The following MRAP variants were observed in gnomAD, a reference collection of about 807,000 sequenced individuals.
MRAP encodes melanocortin-2 receptor accessory protein.
In MRAP, 8 loss-of-function variants were observed where a neutral mutation model predicts 8.7. The ratio of observed to expected loss-of-function variants is 0.92; its 90% CI spans 0.54 to 1.66. The LOEUF is 1.66. Among genes scored for constraint, MRAP ranks in the 40% most tolerant of loss-of-function variants. The pLI is 0.00. For missense variants in MRAP, 237 were observed against 217.1 expected, an observed-to-expected ratio of 1.09 and a Z score of -0.58; for synonymous variants, 95 against 95.5, an observed-to-expected ratio of 1.00 and a Z score of 0.03.
rs17855143 is a variant in MRAP, at chr21:32,311,867, C to G, written c.390C>G (p.Thr130=). The G allele has an allele frequency of 7.5e-3, 12,106 of 1,614,154 alleles. 464 individuals carry two copies. In the East Asian group the frequency reaches 0.1, roughly 13 times the overall value. The stretch of plus-strand genomic sequence containing the variant: ...CGCTACGACAGGAGAGCTCCTCCAC[C>G]TTGCCCCTCGGGGGTTTCCAGACCC... ...DQPLRQESSS[T]LPLGGFQTHP... The change falls in exon 3 of 3, where the codon ACC becomes ACG. Residue 130 remains threonine (T), a synonymous_variant. Transcript: ENST00000303645.
chr21:32,302,486 G>A (rs1310984873), intron 1 of MRAP, among the ~76,000 whole-genome samples: 2 of 152,176 alleles, frequency 1.3e-5, no homozygotes, highest in Non-Finnish European at 2.9e-5. Context: ...GAGAAAGTCC[G>A]TTTCTTTGCT....
rs766209755 is a variant in MRAP, at chr21:32,306,668, C to A, written c.135C>A (p.Ser45Arg). The A allele has an allele frequency of 5.0e-6, 8 of 1,614,116 alleles. No homozygotes were observed. The highest frequency in any genetic ancestry group is 5.9e-6 in the Non-Finnish European group (7 of 1,180,026). ...KHSIVIAFWV[S>R]LAAFVVLLFL... ...CCATCGTGATCGCATTCTGGGTGAGCCTGGCTGCCTTCGTGGTGCTGCTCT... is the reference window on the plus strand; with the variant it reads ...CCATCGTGATCGCATTCTGGGTGAGACTGGCTGCCTTCGTGGTGCTGCTCT... Residue 45 changes from serine (S) to arginine (R), a missense_variant, in exon 2 of 3, where the codon AGC becomes AGA. Transcript: ENST00000303645.
At chr21:32,304,976 T>TTTTTTTTTTTTTTTG (rs2032379280) in intron 1 of MRAP, among the ~76,000 whole-genome samples, 2 of 126,390 alleles carry the variant, frequency 1.6e-5, no homozygotes, top group Non-Finnish European at 3.2e-5. Flanking sequence ...TTTTTTTTTT[T>TTTTTTTTTTTTTTTG]TTTTTTTTTT....
chr21:32,297,731 G>A (rs1601094615), upstream of MRAP, among the ~76,000 whole-genome samples: 1 of 152,206 alleles, frequency 6.6e-6, no homozygotes. Context: ...CCACAAGTCT[G>A]GCGTCAGAAA....
rs1452450946 is a variant in MRAP at position 32,312,170 on chromosome 21, G to A, written c.*174G>A. The A allele has an allele frequency of 5.9e-6, 9 of 1,512,876 alleles. No individual in the cohort carries two copies. The Admixed American group carries it at 1.0e-4, about 17-fold the overall frequency. The allele number at this position is 1,512,876 out of a possible 1,614,324, so 93.7% of individuals were successfully genotyped here. On this transcript the variant is annotated 3_prime_UTR_variant, in exon 3 of 3. Coordinates refer to ENST00000303645, the MANE Select transcript of MRAP (RefSeq NM_001379228.1). ...TTGACAAAGATTGCAGTGGCCCCTCGAGTGCAGAGGTCATCCCAGGTGTTG... is the reference window on the plus strand; with the variant it reads ...TTGACAAAGATTGCAGTGGCCCCTCAAGTGCAGAGGTCATCCCAGGTGTTG...
intron 2 of MRAP, among the ~76,000 whole-genome samples, chr21:32,307,759 G>T (rs1395016910): frequency 2.0e-5 from 3 of 148,416 alleles, no homozygotes; most frequent in African/African-American, 7.5e-5. Context: ...CTGTAGTCCC[G>T]GCTACTCAGG....
upstream of MRAP, among the ~76,000 whole-genome samples, chr21:32,296,596 C>T (rs2032143589): frequency 6.6e-6 from 1 of 152,104 alleles, no homozygotes; most frequent in Non-Finnish European, 1.5e-5. Flanking sequence ...CCACACACCT[C>T]GGCTGAACGG....
In MRAP at chr21:32,312,282, A is replaced by G; in HGVS notation, c.*286A>G. ...AGGAAAATAAAATATATGCAAATCA[A>G]GAGGAAAAGCTGTTTGCTTACTAAT... On this transcript the variant is annotated 3_prime_UTR_variant, in exon 3 of 3. Transcript: ENST00000303645. The G allele has an allele frequency of 1.5e-6, 2 of 1,366,130 alleles. No individual in the cohort carries two copies. Among genetic ancestry groups the G allele is most frequent in the South Asian group, 1.5e-5 (1 of 65,196 alleles). 84.6% of individuals were successfully genotyped at this position (1,366,130 alleles called of 1,614,324 possible). A position where few individuals can be genotyped will look rare whatever the true frequency, so the allele number is the denominator to read the frequency against.
intron 2 of MRAP, among the ~76,000 whole-genome samples, chr21:32,309,196 G>GA (rs996349225): frequency 7.1e-4 from 106 of 148,846 alleles, no homozygotes; most frequent in Middle Eastern, 3.5e-3. Context: ...TCAGTCTAGA[G>GA]AAAAAAAAAA....
downstream of MRAP, chr21:32,314,320 A>T: frequency 2.3e-6 from 1 of 436,096 alleles, no homozygotes. Flanking sequence ...GAGTAGCTGG[A>T]ATTACAGGTG....
chr21:32,297,742 T>C (rs892722691), upstream of MRAP, among the ~76,000 whole-genome samples: 4 of 152,228 alleles, frequency 2.6e-5, no homozygotes, highest in Non-Finnish European at 4.4e-5. Flanking sequence ...GCGTCAGAAA[T>C]GTACGGTGTA....
At chr21:32,303,722 A>C (rs1266578521) in intron 1 of MRAP, among the ~76,000 whole-genome samples, 4 of 152,356 alleles carry the variant, frequency 2.6e-5, no homozygotes, top group South Asian at 4.1e-4. Flanking sequence ...GGGATGTCTA[A>C]CTATTTCTGA....
At chr21:32,311,304 G>A (rs556771792) in intron 2 of MRAP, 4 of 211,806 alleles carry the variant, frequency 1.9e-5, no homozygotes, top group African/African-American at 4.6e-5. Flanking sequence ...GTGTCGTGAC[G>A]CAGCCAAACC....
chr21:32,293,288 C>A (rs1020997497), intron 2 of MRAP, among the ~76,000 whole-genome samples: 15 of 151,886 alleles, frequency 9.9e-5, no homozygotes, highest in African/African-American at 3.6e-4. Context: ...TGTTTGAGTC[C>A]CATAAGACTC....
chr21:32,306,449 T>A, intron 1 of MRAP, 191 bp from the exon 2 acceptor site: 2 of 653,088 alleles, frequency 3.1e-6, no homozygotes, highest in Non-Finnish European at 5.6e-6. Context: ...AAAAAGACAC[T>A]TCTTGGCTCC....
chr21:32,298,995 T>TGCCCC lies in MRAP; in HGVS notation c.25_29dup (p.Tyr11ProfsTer23). On this transcript the variant is annotated frameshift_variant, in exon 1 of 3. Transcript: ENST00000303645. LOFTEE classifies it high-confidence loss of function. ...ACATGGCCAACGGGACCAACGCCTC[T>TGCCCC]GCCCCATACTACAGCTATGAATACT... 2 of 1,614,148 alleles carry TGCCCC rather than the reference T, an allele frequency of 1.2e-6. No individual in the cohort carries two copies. The highest frequency in any genetic ancestry group is 1.7e-6 in the Non-Finnish European group (2 of 1,179,970).
Position 32,311,405 on chromosome 21 carries a change from T to TCC in MRAP, c.207-278_207-277dup. ...TGGATGGGAGGTCAACCTGCTCCCC[T>TCC]CCACCCCCCACCCCCCCCATCCTAA... On this transcript the variant is annotated intron_variant, in intron 2 of 2. Coordinates refer to ENST00000303645, the MANE Select transcript of MRAP (RefSeq NM_001379228.1). The TCC allele has an allele frequency of 1.7e-5, 5 of 291,706 alleles. 1 individual carries two copies. The highest frequency in any genetic ancestry group is 3.3e-5 in the Non-Finnish European group (5 of 153,198). The allele number at this position is 291,706 out of a possible 1,614,324, so 18.1% of individuals were successfully genotyped here. A position where few individuals can be genotyped will look rare whatever the true frequency, so the allele number is the denominator to read the frequency against.
At chr21:32,308,222 T>A (rs1340500088) in intron 2 of MRAP, among the ~76,000 whole-genome samples, 2 of 151,622 alleles carry the variant, frequency 1.3e-5, no homozygotes, top group Non-Finnish European at 2.9e-5. Flanking sequence ...AAAATATTTT[T>A]AAAAAATCAG....
intron 1 of MRAP, among the ~76,000 whole-genome samples, chr21:32,303,091 T>C (rs943373103): frequency 2.9e-4 from 44 of 151,934 alleles, no homozygotes; most frequent in African/African-American, 1.1e-3. Flanking sequence ...GCTATTCTTC[T>C]GCCTCAGCCT....
Sources: allele counts gnomAD v4.1 joint callset (sites outside exome capture counted in the v4.1 genomes callset), GRCh38; gene constraint gnomAD v4.1.1; transcripts MANE v1.5; gene names NCBI Gene and HGNC (gene_info 2026-07-23, HGNC 2026-07-21).